CHN1: variants seen among roughly 807,000 people sequenced by gnomAD.
CHN1 encodes chimerin 1.
In CHN1, 37 loss-of-function variants were observed where a neutral mutation model predicts 59.5. The observed-to-expected ratio is 0.62, with a 90% CI of 0.48 to 0.82. CHN1 has a LOEUF of 0.82. Ranked by LOEUF, CHN1 falls within the 40% of genes least tolerant of loss-of-function variation. CHN1 has a pLI of 0.00. For missense variants in CHN1, 469 were observed against 571.0 expected (o/e 0.82, Z 1.82); for synonymous variants, 206 against 200.4 (o/e 1.03, Z -0.24).
At chr2:174,806,668 C>T (rs1359037959) in intron 11 of CHN1, among the ~76,000 whole-genome samples, 2 of 152,142 alleles carry the variant, frequency 1.3e-5, no homozygotes, top group African/African-American at 4.8e-5. Flanking sequence ...ACTGATACTC[C>T]ATCACATCTC....
intron 1 of CHN1, among the ~76,000 whole-genome samples, chr2:174,996,721 C>A (rs546797231): frequency 6.6e-6 from 1 of 152,118 alleles, no homozygotes; most frequent in Non-Finnish European, 1.5e-5. Flanking sequence ...GAGATACACC[C>A]CAGTACTCTC....
chr2:174,826,806 C>T (rs1314301811), intron 7 of CHN1, among the ~76,000 whole-genome samples: 1 of 152,098 alleles, frequency 6.6e-6, no homozygotes, highest in Non-Finnish European at 1.5e-5. Context: ...CCGAGCAGAC[C>T]CCATGTTCTC....
intron 5 of CHN1, among the ~76,000 whole-genome samples, chr2:174,912,426 T>C (rs923965860): frequency 1.3e-5 from 2 of 152,184 alleles, no homozygotes; most frequent in Non-Finnish European, 1.5e-5. Flanking sequence ...AAAGGAAATA[T>C]AGATATCACA....
intron 1 of CHN1, among the ~76,000 whole-genome samples, chr2:174,989,870 A>G (rs1691479357): frequency 6.6e-6 from 1 of 152,204 alleles, no homozygotes; most frequent in South Asian, 2.1e-4. Context: ...ATCTTTTACA[A>G]ATTATCTAAT....
chr2:174,984,609 T>C (rs925731652), intron 1 of CHN1, among the ~76,000 whole-genome samples: 1 of 152,140 alleles, frequency 6.6e-6, no homozygotes, highest in African/African-American at 2.4e-5. Flanking sequence ...CCTTGTGATC[T>C]GCCTGCCTTG....
intron 6 of CHN1, among the ~76,000 whole-genome samples, chr2:174,860,037 T>C (rs1399467157): frequency 6.6e-6 from 1 of 152,156 alleles, no homozygotes; most frequent in East Asian, 1.9e-4. Flanking sequence ...ATGCAGTTTT[T>C]TGTCAGATAA....
At chr2:174,897,005 G>A (rs1688236630) in intron 5 of CHN1, among the ~76,000 whole-genome samples, 1 of 152,100 alleles carries the variant, frequency 6.6e-6, no homozygotes, top group African/African-American at 2.4e-5. Context: ...GCACAGAGAG[G>A]AGGGAAGCAA....
Position 174,966,336 on chromosome 2 carries a change from GA to G in CHN1, c.20-14135del, listed in dbSNP as rs374813590. Among the ~76,000 whole-genome samples, 181 of 142,504 alleles carry G rather than the reference GA, an allele frequency of 1.3e-3. No individual in the cohort carries two copies. The Middle Eastern group carries it at 0.014, about 11-fold the overall frequency. 93.5% of individuals were successfully genotyped at this position (142,504 alleles called of 152,430 possible). The stretch of plus-strand genomic sequence containing the variant: ...ACCCAGAACCGTTAATACTCAGGAA[GA>G]AAAAAAAAAACAAACACTTCTGAAA... On this transcript the variant is annotated intron_variant, in intron 1 of 12. Coordinates refer to ENST00000409900, the MANE Select transcript of CHN1 (RefSeq NM_001822.7).
intron 1 of CHN1, among the ~76,000 whole-genome samples, chr2:174,969,163 T>A (rs1690679404): frequency 1.3e-5 from 2 of 152,200 alleles, no homozygotes; most frequent in African/African-American, 4.8e-5. Flanking sequence ...GTTATTAATA[T>A]TTACAGCTGA....
intron 3 of CHN1, 50 bp from the exon 4 acceptor site, chr2:174,918,615 A>T: frequency 7.0e-7 from 1 of 1,430,882 alleles, no homozygotes; most frequent in Non-Finnish European, 9.6e-7. Flanking sequence ...GCAAATGTGC[A>T]GAACATAACT....
rs144214837 is a variant in CHN1, at chr2:174,880,045, T to C, written c.261-1917A>G. ...ATCCAAGAAGAGGCCTGGCTACCTG[T>C]AAGGAGCTGTGCAAAAAACCCTATT... On this transcript the variant is annotated intron_variant, in intron 5 of 12. Transcript: ENST00000409900. 1.4e-4 allele frequency among the ~76,000 whole-genome samples: 22 copies of C among 152,260 alleles called. No homozygotes were observed. The East Asian group carries it at 4.2e-3, about 29-fold the overall frequency.
intron 1 of CHN1, among the ~76,000 whole-genome samples, chr2:174,972,325 C>T (rs909816232): frequency 1.3e-5 from 2 of 152,182 alleles, no homozygotes; most frequent in Non-Finnish European, 2.9e-5. Flanking sequence ...TGCTTCATCA[C>T]TCCAATAAGC....
chr2:175,003,633 C>A (rs147790048), intron 1 of CHN1, among the ~76,000 whole-genome samples: 8 of 152,152 alleles, frequency 5.3e-5, no homozygotes, highest in African/African-American at 1.7e-4. Flanking sequence ...TGAGAAACAG[C>A]GAGAATTTTA....
intron 1 of CHN1, among the ~76,000 whole-genome samples, chr2:174,966,674 AC>A (rs1690603054): frequency 6.6e-6 from 1 of 152,232 alleles, no homozygotes; most frequent in East Asian, 1.9e-4. Flanking sequence ...GGGTCATTTA[AC>A]TCAATCCAAA....
At chr2:174,804,258 TATA>T (rs1378066642) in intron 11 of CHN1, among the ~76,000 whole-genome samples, 2 of 152,080 alleles carry the variant, frequency 1.3e-5, no homozygotes, top group African/African-American at 4.8e-5. Context: ...AGAGTACGCC[TATA>T]ATGTTTGAGG....
At position 174,952,169 on chromosome 2, in the gene CHN1, G is replaced by A. The variant is rs1690043249; in HGVS notation, c.53C>T (p.Ser18Phe). 2 of 1,446,374 alleles carry A rather than the reference G, an allele frequency of 1.4e-6. No homozygotes were observed. Among genetic ancestry groups the A allele is most frequent in the Non-Finnish European group, 1.8e-6 (2 of 1,093,918 alleles). The allele number at this position is 1,446,374 out of a possible 1,614,324, so 89.6% of individuals were successfully genotyped here. The change falls in exon 2 of 13, where the codon TCT (serine) becomes TTT (phenylalanine). Residue 18 changes from serine to phenylalanine, a missense_variant. Physicochemically the swap from Ser to Phe is radical, Grantham distance 155 (BLOSUM62 -2). Coordinates refer to ENST00000409900, the MANE Select transcript of CHN1 (RefSeq NM_001822.7). ...TDEYRPPVWK[S>F]YLYQLQQEAP... ...ACAATTATTTGTAGACTTACAGTAA[G>A]ATTTCCAAACAGGAGGTCTATATTC...
chr2:174,803,312 A>G (rs1684786970), intron 11 of CHN1, among the ~76,000 whole-genome samples: 1 of 152,220 alleles, frequency 6.6e-6, no homozygotes, highest in Non-Finnish European at 1.5e-5. Flanking sequence ...CAATGACTGA[A>G]GCTTTTTAAT....
chr2:174,933,227 A>G (rs1208285485), intron 3 of CHN1, among the ~76,000 whole-genome samples: 1 of 152,232 alleles, frequency 6.6e-6, no homozygotes, highest in Non-Finnish European at 1.5e-5. Context: ...GACTGGACAT[A>G]TAAAGAAATG....
Position 174,944,878 on chromosome 2 carries a change from T to C in CHN1, c.114+10A>G, listed in dbSNP as rs367833864. The C allele has an allele frequency of 6.4e-6, 10 of 1,574,680 alleles. No homozygotes were observed. In the African/African-American group the frequency reaches 9.4e-5, roughly 15 times the overall value. On this transcript the variant is annotated intron_variant, in intron 3 of 12. Transcript: ENST00000409900. ...GAGACATTTTTTGGTAGCAGTTTCA[T>C]TACACCCACCTCGCAAGTACAGGTA...
Sources: gnomAD v4.1 joint callset for allele counts (sites outside exome capture counted in the v4.1 genomes callset) on GRCh38, gnomAD v4.1.1 for gene constraint, MANE v1.5 for transcripts, NCBI Gene and HGNC (gene_info 2026-07-23, HGNC 2026-07-21) for gene names.